Variants in BFSP2 observed in about 807,000 individuals in gnomAD.
BFSP2 encodes the protein phakinin.
A neutral mutation model predicts 44.9 loss-of-function variants in BFSP2; 38 were observed. The observed-to-expected ratio is 0.85, with a 90% CI of 0.65 to 1.11. The LOEUF (loss-of-function observed/expected upper bound fraction) is 1.11, where lower values mean the gene tolerates loss of function less well. Ranked by LOEUF, BFSP2 falls within the 50% of genes least tolerant of loss-of-function variation. The pLI, the probability that BFSP2 is intolerant of heterozygous loss-of-function variation, is 0.00. For missense variants in BFSP2, 525 were observed against 533.0 expected (o/e 0.99, Z 0.15); for synonymous variants, 197 against 209.9 (o/e 0.94, Z 0.53).
At chr3:133,448,710 C>T (rs2073927565) in intron 3 of BFSP2, 65 bp downstream of exon 3, 1 of 1,580,368 alleles carries the variant, frequency 6.3e-7, no homozygotes, top group South Asian at 1.1e-5. Context: ...TCTGCCTGTG[C>T]TTCATAACAA....
chr3:133,446,614 A>G (rs866953478), intron 1 of BFSP2, among the ~76,000 whole-genome samples: 2 of 49,986 alleles, frequency 4.0e-5, no homozygotes, highest in African/African-American at 2.1e-4. Context: ...ATATATATAT[A>G]TATATATATA....
At chr3:133,431,248 C>T (rs2073714037) in intron 1 of BFSP2, among the ~76,000 whole-genome samples, 1 of 152,304 alleles carries the variant, frequency 6.6e-6, no homozygotes, top group African/African-American at 2.4e-5. Flanking sequence ...TAATTAACCT[C>T]GCCTTCCAGG....
At chr3:133,424,212 A>AT (rs112772093) in intron 1 of BFSP2, among the ~76,000 whole-genome samples, 998 of 64,558 alleles carry the variant, frequency 0.015, 22 homozygotes, top group Non-Finnish European at 0.026. Context: ...CGTCCAGCTA[A>AT]TTTTTTTTTT....
chr3:133,415,795 ACTC>A (rs1236193491), intron 1 of BFSP2, among the ~76,000 whole-genome samples: 1 of 81,460 alleles, frequency 1.2e-5, no homozygotes, highest in Non-Finnish European at 2.4e-5. Flanking sequence ...CCTTCTACTG[ACTC>A]CTACCACCTC....
At chr3:133,426,007 AGGAAGGGAAG>A (rs111273007) in intron 1 of BFSP2, among the ~76,000 whole-genome samples, 1 of 2,290 alleles carries the variant, frequency 4.4e-4, no homozygotes, top group African/African-American at 2.6e-3. Flanking sequence ...GGGCAGGGAA[AGGAAGGGAAG>A]GGAAGGGAAG....
intron 2 of BFSP2, 69 bp downstream of exon 2, chr3:133,447,468 T>C: frequency 6.7e-7 from 1 of 1,494,894 alleles, no homozygotes; most frequent in Non-Finnish European, 9.2e-7. Flanking sequence ...TGGATAATGC[T>C]GTTCTGGAGC....
At chr3:133,468,715 G>A (rs2074134803) in intron 5 of BFSP2, among the ~76,000 whole-genome samples, 1 of 152,146 alleles carries the variant, frequency 6.6e-6, no homozygotes, top group Admixed American at 6.5e-5. Context: ...CCACATTCTA[G>A]TGGTCAAAGC....
chr3:133,424,030 T>C (rs915238107), intron 1 of BFSP2, among the ~76,000 whole-genome samples: 9 of 148,196 alleles, frequency 6.1e-5, no homozygotes, highest in African/African-American at 2.3e-4. Context: ...CTGTTTCTAT[T>C]CTCTTCTGCT....
intron 1 of BFSP2, among the ~76,000 whole-genome samples, chr3:133,443,900 C>A (rs1431965170): frequency 6.6e-6 from 1 of 152,104 alleles, no homozygotes; most frequent in African/African-American, 2.4e-5. Flanking sequence ...TTTTAAAACG[C>A]TGCTTGTATT....
At chr3:133,405,879 G>C (rs545478541) in intron 1 of BFSP2, among the ~76,000 whole-genome samples, 1 of 152,194 alleles carries the variant, frequency 6.6e-6, no homozygotes, top group African/African-American at 2.4e-5. Context: ...TGATGGGAGA[G>C]GGGGAGAAGG....
At chr3:133,420,001 G>A (rs2073578119) in intron 1 of BFSP2, among the ~76,000 whole-genome samples, 1 of 152,216 alleles carries the variant, frequency 6.6e-6, no homozygotes, top group African/African-American at 2.4e-5. Context: ...CCCTGCCCCC[G>A]ACAGGGGCGA....
chr3:133,460,408 G>GA (rs1559981478), intron 4 of BFSP2, among the ~76,000 whole-genome samples: 1 of 152,132 alleles, frequency 6.6e-6, no homozygotes, highest in Non-Finnish European at 1.5e-5. Context: ...TGAATGGGGG[G>GA]ACCTTAATTT....
At chr3:133,425,136 C>T (rs1202389433) in intron 1 of BFSP2, among the ~76,000 whole-genome samples, 4 of 152,148 alleles carry the variant, frequency 2.6e-5, no homozygotes, top group Non-Finnish European at 5.9e-5. Context: ...GTCATGGTAG[C>T]TACTATAAGG....
chr3:133,440,921 T>G (rs1454022163), intron 1 of BFSP2, among the ~76,000 whole-genome samples: 1 of 152,134 alleles, frequency 6.6e-6, no homozygotes, highest in East Asian at 1.9e-4. Context: ...CAGATGTCTC[T>G]CATTCTCCTT....
chr3:133,474,821 C>G lies in BFSP2; in HGVS notation c.1245-148C>G, dbSNP rs188755622. ...TGGCCCAAGGTCTCACAGCAAATAA[C>G]CATGGAGTAATTATTTAAAACCCAA... is the stretch of plus-strand genomic sequence containing the variant. On this transcript the variant is annotated intron_variant, in intron 6 of 6. Coordinates refer to ENST00000302334, the MANE Select transcript of BFSP2 (RefSeq NM_003571.4). 2.6e-4 allele frequency: 269 copies of G among 1,054,076 alleles called. 1 individual carries two copies. In the African/African-American group the frequency reaches 3.7e-3, roughly 15 times the overall value. The allele number at this position is 1,054,076 out of a possible 1,614,324, so 65.3% of individuals were successfully genotyped here. A position where few individuals can be genotyped will look rare whatever the true frequency, so the allele number is the denominator to read the frequency against.
intron 1 of BFSP2, among the ~76,000 whole-genome samples, chr3:133,408,813 G>GT (rs948648615): frequency 7.4e-6 from 1 of 135,312 alleles, no homozygotes; most frequent in Non-Finnish European, 1.7e-5. Flanking sequence ...ATACATATGT[G>GT]TTTACATTGA....
chr3:133,444,978 A>G (rs2073883621), intron 1 of BFSP2, among the ~76,000 whole-genome samples: 1 of 152,014 alleles, frequency 6.6e-6, no homozygotes, highest in African/African-American at 2.4e-5. Context: ...ACTCCTTTCC[A>G]TTGTGCCCAA....
chr3:133,437,529 A>G (rs1332620029), intron 1 of BFSP2, among the ~76,000 whole-genome samples: 1 of 152,102 alleles, frequency 6.6e-6, no homozygotes, highest in Non-Finnish European at 1.5e-5. Context: ...GTCTCAAAAA[A>G]CAAAACAAAC....
At chr3:133,433,042 C>G (rs1041202825) in intron 1 of BFSP2, among the ~76,000 whole-genome samples, 1 of 152,168 alleles carries the variant, frequency 6.6e-6, no homozygotes, top group Non-Finnish European at 1.5e-5. Flanking sequence ...TTCCTCATAC[C>G]TGACACATAT....
Sources: allele counts gnomAD v4.1 joint callset (sites outside exome capture counted in the v4.1 genomes callset), GRCh38; gene constraint gnomAD v4.1.1; transcripts MANE v1.5; gene names NCBI Gene and HGNC (gene_info 2026-07-23, HGNC 2026-07-21).